Variants in SNTG1 observed in about 807,000 individuals in gnomAD.
SNTG1 encodes the protein gamma-1-syntrophin.
SNTG1 carries 39 observed loss-of-function variants against 74.7 expected under a neutral mutation model. The observed-to-expected ratio is 0.52, with a 90% CI of 0.40 to 0.68. SNTG1 has a LOEUF of 0.68. Among genes scored for constraint, SNTG1 ranks in the 30% least tolerant of loss-of-function variants. The pLI is 0.00. For missense variants in SNTG1, 685 were observed against 609.5 expected (o/e 1.12, Z -1.30); for synonymous variants, 254 against 217.1 (o/e 1.17, Z -1.49).
At chr8:49,927,954 A>G (rs1563357159) in intron 1 of SNTG1, among the ~76,000 whole-genome samples, 2 of 151,652 alleles carry the variant, frequency 1.3e-5, no homozygotes. Flanking sequence ...TTGACTACTA[A>G]AAATATAAAA....
intron 3 of SNTG1, among the ~76,000 whole-genome samples, chr8:50,397,181 A>C (rs2092738436): frequency 6.6e-6 from 1 of 152,194 alleles, no homozygotes; most frequent in African/African-American, 2.4e-5. Flanking sequence ...TAAAGTACAA[A>C]ATACATTCAT....
At chr8:50,530,609 T>G (rs2094259097) in intron 10 of SNTG1, among the ~76,000 whole-genome samples, 1 of 152,326 alleles carries the variant, frequency 6.6e-6, no homozygotes, top group South Asian at 2.1e-4. Context: ...TTGAAATTAC[T>G]TAACTAAAAG....
chr8:50,394,808 A>G (rs2092706281), intron 3 of SNTG1, among the ~76,000 whole-genome samples: 1 of 151,564 alleles, frequency 6.6e-6, no homozygotes, highest in African/African-American at 2.4e-5. Flanking sequence ...GTGGGCCCCC[A>G]GGGAATACAA....
chr8:50,675,582 G>T (rs527991733), intron 15 of SNTG1, among the ~76,000 whole-genome samples: 2 of 152,002 alleles, frequency 1.3e-5, no homozygotes, highest in South Asian at 2.1e-4. Flanking sequence ...CCTGAATACA[G>T]CACACTGATG....
chr8:50,278,874 T>C (rs2130396718), intron 2 of SNTG1, among the ~76,000 whole-genome samples: 1 of 152,232 alleles, frequency 6.6e-6, no homozygotes, highest in African/African-American at 2.4e-5. Flanking sequence ...CAGTTTACAG[T>C]TATTAGACTG....
chr8:50,513,731 C>T (rs548277344), intron 9 of SNTG1, among the ~76,000 whole-genome samples: 1 of 152,344 alleles, frequency 6.6e-6, no homozygotes, highest in East Asian at 1.9e-4. Context: ...AGGATATAAT[C>T]TCCTGGTGTG....
Position 50,672,737 on chromosome 8 carries a change from C to A in SNTG1, c.1038+14074C>A, listed in dbSNP as rs532160219. On this transcript the variant is annotated intron_variant, in intron 15 of 18. Transcript: ENST00000642720. ...TGGCTTTTGTTGCAATTGCTTTTTG[C>A]ATTTTTGACATGAATTCTTGGCTTA... Among the ~76,000 whole-genome samples the A allele has an allele frequency of 3.0e-4, 45 of 151,872 alleles. No homozygotes were observed. The South Asian group carries it at 8.9e-3, about 30-fold the overall frequency.
At chr8:50,029,898 T>C (rs906565146) in intron 1 of SNTG1, among the ~76,000 whole-genome samples, 1 of 152,250 alleles carries the variant, frequency 6.6e-6, no homozygotes, top group Admixed American at 6.5e-5. Context: ...GGTAGTTCTA[T>C]GTTCCATTTT....
chr8:50,373,536 A>G (rs1489267244), intron 2 of SNTG1, among the ~76,000 whole-genome samples: 1 of 152,168 alleles, frequency 6.6e-6, no homozygotes, highest in African/African-American at 2.4e-5. Flanking sequence ...TAAAAAATGT[A>G]CAATATGTGC....
intron 8 of SNTG1, among the ~76,000 whole-genome samples, chr8:50,492,816 G>T (rs2093869775): frequency 6.6e-6 from 1 of 152,178 alleles, no homozygotes; most frequent in Non-Finnish European, 1.5e-5. Context: ...CCATGCCTAT[G>T]TCCTGAATGG....
chr8:50,139,860 C>T (rs1363288283), intron 1 of SNTG1, among the ~76,000 whole-genome samples: 1 of 152,320 alleles, frequency 6.6e-6, no homozygotes, highest in East Asian at 1.9e-4. Flanking sequence ...AGAACATTTG[C>T]AGAAAGATTC....
chr8:49,925,039 G>A (rs989205830), intron 1 of SNTG1, among the ~76,000 whole-genome samples: 3 of 151,990 alleles, frequency 2.0e-5, no homozygotes, highest in African/African-American at 7.3e-5. Flanking sequence ...GGCAGTTACA[G>A]CTACTCAGGA....
intron 1 of SNTG1, among the ~76,000 whole-genome samples, chr8:49,922,452 G>T (rs1349953102): frequency 2.0e-5 from 3 of 152,062 alleles, no homozygotes; most frequent in Non-Finnish European, 4.4e-5. Flanking sequence ...CCTCACCACT[G>T]ATGAGGGCAG....
intron 1 of SNTG1, among the ~76,000 whole-genome samples, chr8:49,941,695 G>T (rs1356023169): frequency 6.6e-6 from 1 of 152,026 alleles, no homozygotes; most frequent in Non-Finnish European, 1.5e-5. Context: ...CCAGCTGGAA[G>T]CCTGTGTCAC....
At chr8:50,353,620 T>C (rs1362202818) in intron 2 of SNTG1, among the ~76,000 whole-genome samples, 1 of 152,168 alleles carries the variant, frequency 6.6e-6, no homozygotes, top group Non-Finnish European at 1.5e-5. Context: ...AATTCATAAG[T>C]CACATACGTA....
At chr8:50,424,083 T>A (rs924077379) in intron 4 of SNTG1, among the ~76,000 whole-genome samples, 6 of 152,084 alleles carry the variant, frequency 3.9e-5, no homozygotes, top group African/African-American at 1.4e-4. Context: ...TAACAACAAA[T>A]AAACATGATG....
chr8:50,227,076 T>C (rs902906441), intron 2 of SNTG1, among the ~76,000 whole-genome samples: 1 of 152,178 alleles, frequency 6.6e-6, no homozygotes. Context: ...TGAAAATCAA[T>C]GATTTTTTTT....
rs144396854 is a variant in SNTG1, at chr8:50,403,101, G to A, written c.162+757G>A. ...TAATGCTATTAAAGGCTTCTTTTTAGCAATGTTGCCGTATGTGATCTCAGA... is the reference window on the plus strand; with the variant it reads ...TAATGCTATTAAAGGCTTCTTTTTAACAATGTTGCCGTATGTGATCTCAGA... On this transcript the variant is annotated intron_variant, in intron 4 of 18. Transcript: ENST00000642720. Among the ~76,000 whole-genome samples the A allele has an allele frequency of 8.8e-4, 134 of 152,292 alleles. No individual in the cohort carries two copies. The East Asian group carries it at 0.013, about 14-fold the overall frequency.
intron 9 of SNTG1, among the ~76,000 whole-genome samples, chr8:50,505,154 T>C (rs554937988): frequency 6.6e-6 from 1 of 152,308 alleles, no homozygotes; most frequent in East Asian, 1.9e-4. Flanking sequence ...TGTTGTAGAA[T>C]AGGACAAAAT....
Sources: gnomAD v4.1 joint callset for allele counts (sites outside exome capture counted in the v4.1 genomes callset) on GRCh38, gnomAD v4.1.1 for gene constraint, MANE v1.5 for transcripts, NCBI Gene and HGNC (gene_info 2026-07-23, HGNC 2026-07-21) for gene names.